PNPLA7: variants seen among roughly 807,000 people sequenced by gnomAD.
PNPLA7 encodes the protein patatin-like phospholipase domain-containing protein 7.
In PNPLA7, 153 loss-of-function variants were observed where a neutral mutation model predicts 161.7. The observed-to-expected ratio is 0.95, with a 90% CI of 0.83 to 1.08. The LOEUF (loss-of-function observed/expected upper bound fraction) is 1.08. PNPLA7 is among the 50% of genes least tolerant of loss of function. PNPLA7 has a pLI of 0.00. For missense variants in PNPLA7, 1,739 were observed against 1,856.6 expected (o/e 0.94, Z 1.16); for synonymous variants, 809 against 782.1 (o/e 1.03, Z -0.57).
At chr9:137,502,933 G>C (rs573035323) in intron 14 of PNPLA7, among the ~76,000 whole-genome samples, 5 of 151,834 alleles carry the variant, frequency 3.3e-5, no homozygotes, top group Non-Finnish European at 5.9e-5. Context: ...TTGCTTCAAG[G>C]GGGGGCACCC....
At chr9:137,513,508 A>G (rs1834345792) in intron 12 of PNPLA7, among the ~76,000 whole-genome samples, 1 of 152,130 alleles carries the variant, frequency 6.6e-6, no homozygotes, top group African/African-American at 2.4e-5. Context: ...ACAGAAATAA[A>G]TAAAATAGTC....
In PNPLA7 at chr9:137,496,021, G is replaced by A. The variant is rs139812530; in HGVS notation, c.2014-875C>T. 3.9e-4 allele frequency among the ~76,000 whole-genome samples: 59 copies of A among 152,224 alleles called. 2 individuals are homozygous for A. In the East Asian group the frequency reaches 0.01, roughly 26 times the overall value. ...TTCCCATCAGCCCCGGGCAAAACACGGAGCAACACGGCACCTCCGACCTCA... is the reference window on the plus strand; with the variant it reads ...TTCCCATCAGCCCCGGGCAAAACACAGAGCAACACGGCACCTCCGACCTCA... On this transcript the variant is annotated intron_variant, in intron 18 of 34. Transcript: ENST00000406427.
At position 137,540,980 on chromosome 9, in the gene PNPLA7, T is replaced by C. The variant is rs1189692631; in HGVS notation, c.667-258A>G. On this transcript the variant is annotated intron_variant, in intron 7 of 34. Coordinates refer to ENST00000406427, the MANE Select transcript of PNPLA7 (RefSeq NM_001098537.3). This position sits in a 1 kb window ranked among gnomAD's most constrained non-coding sequence, Gnocchi z 5.1. ...TCCATCCCATGACTCGTCTTCAATG[T>C]GGGGACTGAGGCAAAAGCTCGCAGA... 2.3e-6 allele frequency: 1 copy of C among 440,704 alleles called. No individual in the cohort carries two copies. The highest frequency in any genetic ancestry group is 2.0e-5 in the African/African-American group (1 of 50,640). 27.3% of individuals were successfully genotyped at this position (440,704 alleles called of 1,614,324 possible). A position where few individuals can be genotyped will look rare whatever the true frequency, so the allele number is the denominator to read the frequency against.
intron 9 of PNPLA7, among the ~76,000 whole-genome samples, chr9:137,522,149 A>T (rs1006189101): frequency 6.6e-6 from 1 of 152,158 alleles, no homozygotes; most frequent in Non-Finnish European, 1.5e-5. Context: ...ATCTCGGCTC[A>T]CTGCAAGCTC....
Position 137,462,299 on chromosome 9 carries a change from C to T in PNPLA7, c.3525G>A (p.Leu1175=), listed in dbSNP as rs768635972. The T allele has an allele frequency of 4.3e-6, 7 of 1,610,494 alleles. No homozygotes were observed. The highest frequency in any genetic ancestry group is 5.9e-6 in the Non-Finnish European group (7 of 1,178,534). Residue 1175 remains leucine, a synonymous_variant, in exon 31 of 35, where the codon CTG becomes CTA. Transcript: ENST00000406427. ...VLNMAEIQTR[L]AYVCCVRQLE... is the part of the protein sequence containing the mutation. ...GCTGCCGCACGCAACACACGTAGGC[C>T]AGGCGCGTCTGAATCTCTGCCATGT...
At chr9:137,512,439 G>C (rs980753313) in intron 12 of PNPLA7, among the ~76,000 whole-genome samples, 1 of 152,268 alleles carries the variant, frequency 6.6e-6, no homozygotes, top group Non-Finnish European at 1.5e-5. Context: ...GCAGCCATCG[G>C]GACGGCAGGC....
Position 137,520,052 on chromosome 9 carries a change from C to T in PNPLA7, c.958-9G>A. Reference sequence around the variant, plus strand: ...GGGATGGCCTGGCTCTCCTGGGACACAAGAAGGAAGTTCAGTGCCACCCCA... The same window carrying T: ...GGGATGGCCTGGCTCTCCTGGGACATAAGAAGGAAGTTCAGTGCCACCCCA... On this transcript the variant is annotated splice_polypyrimidine_tract_variant and intron_variant, in intron 10 of 34. Coordinates refer to ENST00000406427, the MANE Select transcript of PNPLA7 (RefSeq NM_001098537.3). The surrounding 1 kb of genome is among the most constrained non-coding windows in gnomAD (Gnocchi z 5.2). 1 of 1,611,850 alleles carries T rather than the reference C, an allele frequency of 6.2e-7. No individual in the cohort carries two copies.
chr9:137,539,330 G>A (rs1455332455), intron 8 of PNPLA7, among the ~76,000 whole-genome samples: 3 of 152,068 alleles, frequency 2.0e-5, no homozygotes, highest in East Asian at 1.9e-4. Flanking sequence ...GCAACAGAGC[G>A]AGACTCCATC....
intron 12 of PNPLA7, chr9:137,508,829 T>C (rs912618243): frequency 3.3e-5 from 5 of 152,212 alleles, no homozygotes; most frequent in Non-Finnish European, 7.3e-5. Context: ...ATTTTTAATA[T>C]ACATACTTGA....
At chr9:137,497,854 G>A (rs1346370964) in intron 17 of PNPLA7, among the ~76,000 whole-genome samples, 2 of 152,260 alleles carry the variant, frequency 1.3e-5, no homozygotes, top group Non-Finnish European at 2.9e-5. Flanking sequence ...GGGACGGTGT[G>A]GACTTGAATA....
chr9:137,503,785 AGAG>A (rs1216478074), intron 14 of PNPLA7, among the ~76,000 whole-genome samples: 31 of 70 alleles, frequency 0.44, no homozygotes, highest in Admixed American at 0.5. Flanking sequence ...AAAAGAAAGA[AGAG>A]AATGAAGAAG....
At chr9:137,497,103 G>T (rs1001800569) in intron 18 of PNPLA7, 84 bp downstream of exon 18, 7 of 1,336,954 alleles carry the variant, frequency 5.2e-6, no homozygotes, top group Non-Finnish European at 6.8e-6. Context: ...CAAGTAACTG[G>T]CCAGGCCACA....
At position 137,499,569 on chromosome 9, in the gene PNPLA7, C is replaced by T. The variant is rs1478323674; in HGVS notation, c.1757+1122G>A. Among the ~76,000 whole-genome samples the T allele has an allele frequency of 6.6e-6, 1 of 152,312 alleles. No homozygotes were observed. The highest frequency in any genetic ancestry group is 1.5e-5 in the Non-Finnish European group (1 of 68,012). On this transcript the variant is annotated intron_variant, in intron 16 of 34. Transcript: ENST00000406427. The surrounding 1 kb of genome is among the most constrained non-coding windows in gnomAD (Gnocchi z 5.5). ...GGACCGGGACTTGGAGCCTCAGTCTCCCCATCAGCACGCTGCGGTGTCAGG... is the reference window on the plus strand; with the variant it reads ...GGACCGGGACTTGGAGCCTCAGTCTTCCCATCAGCACGCTGCGGTGTCAGG...
chr9:137,505,933 G>T, intron 13 of PNPLA7, 50 bp downstream of exon 13: 1 of 1,561,110 alleles, frequency 6.4e-7, no homozygotes, highest in Non-Finnish European at 8.7e-7. Context: ...AGCAAGCCAC[G>T]GAGAGGGTGG....
In PNPLA7 at chr9:137,498,846, G is replaced by A. The variant is rs61507298; in HGVS notation, c.1758-601C>T. ...GTGGGGCAACCTGCACCAGGTGTGA[G>A]AGTGACGCCGGGCGACTCCAGGCCT... On this transcript the variant is annotated intron_variant, in intron 16 of 34. Transcript: ENST00000406427. Among the ~76,000 whole-genome samples, 796 of 152,298 alleles carry A rather than the reference G, an allele frequency of 5.2e-3. 10 individuals are homozygous for A. The highest frequency in any genetic ancestry group is 0.044 in the Middle Eastern group (13 of 294).
Position 137,546,929 on chromosome 9 carries a change from T to G in PNPLA7, c.194-20A>C. On this transcript the variant is annotated intron_variant, in intron 3 of 34. Transcript: ENST00000406427. Reference sequence around the variant, plus strand: ...CTTGTCCTGCAGGGGAGTAAAGGGATGGCCTGAGGTAGAGCCGTGGCACAG... The same window carrying G: ...CTTGTCCTGCAGGGGAGTAAAGGGAGGGCCTGAGGTAGAGCCGTGGCACAG... 1 of 1,611,830 alleles carries G rather than the reference T, an allele frequency of 6.2e-7. No homozygotes were observed. Among genetic ancestry groups the G allele is most frequent in the Non-Finnish European group, 8.5e-7 (1 of 1,178,478 alleles).
intron 8 of PNPLA7, among the ~76,000 whole-genome samples, chr9:137,531,847 C>T (rs140407844): frequency 2.6e-5 from 4 of 152,182 alleles, no homozygotes; most frequent in East Asian, 3.9e-4. Context: ...TGAACAGAGC[C>T]GGCAGTGTGC....
chr9:137,542,084 A>T (rs1836235855), intron 7 of PNPLA7, among the ~76,000 whole-genome samples: 1 of 152,232 alleles, frequency 6.6e-6, no homozygotes, highest in African/African-American at 2.4e-5. Context: ...AAACCTGAAA[A>T]TAGAGCAAGG....
In PNPLA7 at chr9:137,476,013, G is replaced by T. The variant is rs1207197430; in HGVS notation, c.2882+2021C>A. On this transcript the variant is annotated intron_variant, in intron 25 of 34. Coordinates refer to ENST00000406427, the MANE Select transcript of PNPLA7 (RefSeq NM_001098537.3). The surrounding 1 kb of genome is among the most constrained non-coding windows in gnomAD (Gnocchi z 4.5). ...CAATAAAGAAGACATGAAATTACAGGAAATGGAATTGAACACAGGAGAGAA... is the reference window on the plus strand; with the variant it reads ...CAATAAAGAAGACATGAAATTACAGTAAATGGAATTGAACACAGGAGAGAA... Among the ~76,000 whole-genome samples, 1 of 152,168 alleles carries T rather than the reference G, an allele frequency of 6.6e-6. No individual in the cohort carries two copies. The highest frequency in any genetic ancestry group is 1.5e-5 in the Non-Finnish European group (1 of 68,036).
Sources: gnomAD v4.1 joint callset for allele counts (sites outside exome capture counted in the v4.1 genomes callset) on GRCh38, gnomAD v4.1.1 for gene constraint, Gnocchi (gnomAD v3.1) non-coding constraint, MANE v1.5 for transcripts, NCBI Gene and HGNC (gene_info 2026-07-23, HGNC 2026-07-21) for gene names.